Variants in MPPE1 observed in about 807,000 individuals in gnomAD.
MPPE1 encodes metallophosphoesterase 1, also known as metallo phosphoesterase.
MPPE1 carries 28 observed loss-of-function variants against 43.8 expected under a neutral mutation model. The ratio of observed to expected loss-of-function variants is 0.64; its 90% CI spans 0.47 to 0.88. MPPE1 has a LOEUF of 0.88. Ranked by LOEUF, MPPE1 falls within the 40% of genes least tolerant of loss-of-function variation. MPPE1 has a pLI of 0.00. For missense variants in MPPE1, 428 were observed against 492.2 expected (o/e 0.87, Z 1.23); for synonymous variants, 159 against 188.5 (o/e 0.84, Z 1.28).
At chr18:11,888,803 G>A in intron 5 of MPPE1, 60 bp from the exon 6 acceptor site, 1 of 943,160 alleles carries the variant, frequency 1.1e-6, no homozygotes, top group Admixed American at 3.1e-5. Context: ...AACTCCTAGA[G>A]TCATCATGAA....
At position 11,889,427 on chromosome 18, in the gene MPPE1, T is replaced by C; in HGVS notation, c.454A>G (p.Lys152Glu). 6.2e-7 allele frequency: 1 copy of C among 1,613,422 alleles called. No individual in the cohort carries two copies. Reference sequence around the variant, plus strand: ...ATGTCATGGTTTCCAGCAACTACCTTCAGCTGTACATGACTTGGGTGTCTG... The same window carrying C: ...ATGTCATGGTTTCCAGCAACTACCTCCAGCTGTACATGACTTGGGTGTCTG... ...MFRHPSHVQL[K>E]VVAGNHDIGF... The change falls in exon 5 of 11, where the codon AAG becomes GAG. Residue 152 changes from lysine (K) to glutamate (E), a missense_variant. This residue lies in a region of MPPE1 where 379 missense variants were observed against 402.5 expected (regional missense o/e 0.94). Coordinates refer to ENST00000588072, the MANE Select transcript of MPPE1 (RefSeq NM_023075.6).
At chr18:11,900,706 G>C (rs978667413) in intron 2 of MPPE1, among the ~76,000 whole-genome samples, 18 of 151,994 alleles carry the variant, frequency 1.2e-4, no homozygotes, top group African/African-American at 2.2e-4. Flanking sequence ...AGGAGATCGA[G>C]ACCATCCTGG....
chr18:11,900,789 C>T (rs189820411), intron 2 of MPPE1, among the ~76,000 whole-genome samples: 65 of 151,936 alleles, frequency 4.3e-4, no homozygotes, highest in Admixed American at 9.2e-4. Flanking sequence ...CGCCTGTAGT[C>T]CCAGCTACTC....
intron 2 of MPPE1, among the ~76,000 whole-genome samples, chr18:11,898,354 G>A (rs1038666506): frequency 1.3e-5 from 2 of 152,142 alleles, no homozygotes; most frequent in African/African-American, 2.4e-5. Flanking sequence ...TTACAGGCGT[G>A]AGCCACTTTG....
chr18:11,886,458 C>A lies in MPPE1; in HGVS notation c.867+41G>T. 2 of 1,613,828 alleles carry A rather than the reference C, an allele frequency of 1.2e-6. No homozygotes were observed. The highest frequency in any genetic ancestry group is 2.2e-5 in the South Asian group (2 of 91,058). ...TGTTGACATGCAAGGTGATGAGAGT[C>A]ACACTGTGACATGAATTAGCATCAC... On this transcript the variant is annotated intron_variant, in intron 9 of 10. Coordinates refer to ENST00000588072, the MANE Select transcript of MPPE1 (RefSeq NM_023075.6). The surrounding 1 kb of genome is among the most constrained non-coding windows in gnomAD (Gnocchi z 4.1).
At chr18:11,895,531 T>G (rs1304432667) in intron 3 of MPPE1, among the ~76,000 whole-genome samples, 1 of 141,942 alleles carries the variant, frequency 7.0e-6, no homozygotes, top group South Asian at 2.3e-4. Context: ...CCGTTTTTCT[T>G]ATTTTATTTT....
chr18:11,888,593 C>T, intron 6 of MPPE1, 76 bp downstream of exon 6: 1 of 839,910 alleles, frequency 1.2e-6, no homozygotes, highest in Non-Finnish European at 1.9e-6. Flanking sequence ...TGATAGATCC[C>T]AGTATGGCAG....
rs2037344809 is a variant in MPPE1 at position 11,886,838 on chromosome 18, G to A, written c.679-60C>T. ...CCTGACCCTCATCAAAGGGCAAGAA[G>A]CGCTAGGGGGCTGAGTGAGCAACCG... is the stretch of plus-strand genomic sequence containing the variant. On this transcript the variant is annotated intron_variant, in intron 7 of 10. Coordinates refer to ENST00000588072, the MANE Select transcript of MPPE1 (RefSeq NM_023075.6). The surrounding 1 kb of genome is among the most constrained non-coding windows in gnomAD (Gnocchi z 4.1). 1 of 1,598,190 alleles carries A rather than the reference G, an allele frequency of 6.3e-7. No homozygotes were observed. Among genetic ancestry groups the A allele is most frequent in the African/African-American group, 1.3e-5 (1 of 74,632 alleles).
chr18:11,885,448 G>C (rs907699152), intron 10 of MPPE1: 1 of 553,870 alleles, frequency 1.8e-6, no homozygotes, highest in African/African-American at 1.9e-5. Context: ...AGTCCACCTG[G>C]ACGGTGCCCT....
At chr18:11,903,804 T>TCAAAAAAA (rs2039436851) in intron 2 of MPPE1, among the ~76,000 whole-genome samples, 1 of 151,574 alleles carries the variant, frequency 6.6e-6, no homozygotes, top group Admixed American at 6.6e-5. Flanking sequence ...AGACTCCGTC[T>TCAAAAAAA]CAAAAAAACA....
chr18:11,892,505 A>G (rs572897641), intron 4 of MPPE1, among the ~76,000 whole-genome samples: 64 of 152,170 alleles, frequency 4.2e-4, no homozygotes, highest in African/African-American at 1.3e-3. Flanking sequence ...CCCTGTCCCT[A>G]CTAAAAATAC....
rs59202037 is a variant in MPPE1 at position 11,888,574 on chromosome 18, G to A, written c.569+95C>T. On this transcript the variant is annotated intron_variant, in intron 6 of 10. Transcript: ENST00000588072. ...GATCATAAACCAGGCTAAACAGAAC[G>A]CAGGTAGATGATAGATCCCAGTATG... 8.6e-3 allele frequency: 6,197 copies of A among 723,964 alleles called. 192 individuals carry two copies. The highest frequency in any genetic ancestry group is 0.079 in the African/African-American group (4,337 of 54,982). 44.8% of individuals were successfully genotyped at this position (723,964 alleles called of 1,614,324 possible).
chr18:11,885,882 C>T, intron 9 of MPPE1, 66 bp from the exon 10 acceptor site: 1 of 1,459,528 alleles, frequency 6.9e-7, no homozygotes. Flanking sequence ...TCTCACCGCT[C>T]AGCAGACGGC....
chr18:11,904,887 G>A (rs1189104317), intron 2 of MPPE1, among the ~76,000 whole-genome samples: 1 of 152,006 alleles, frequency 6.6e-6, no homozygotes, highest in East Asian at 1.9e-4. Flanking sequence ...AGGTTGCAGT[G>A]AGCCGAGATT....
At position 11,889,482 on chromosome 18, in the gene MPPE1, C is replaced by CGGAT; in HGVS notation, c.398_399insATCC (p.Asp134SerfsTer3). 6.2e-7 allele frequency: 1 copy of CGGAT among 1,612,104 alleles called. No homozygotes were observed. Among genetic ancestry groups the CGGAT allele is most frequent in the Non-Finnish European group, 8.5e-7 (1 of 1,178,954 alleles). Reference sequence around the variant, plus strand: ...TTTTCTGAAACCGCTCCACATCATCCGCCCAGGCCTGAGGGAAAAAGAATC... The same window carrying CGGAT: ...TTTTCTGAAACCGCTCCACATCATCCGGATGCCCAGGCCTGAGGGAAAAAGAATC... On this transcript the variant is annotated frameshift_variant, in exon 5 of 11. Transcript: ENST00000588072. LOFTEE classifies it high-confidence loss of function.
intron 2 of MPPE1, among the ~76,000 whole-genome samples, chr18:11,898,652 T>C (rs1339257852): frequency 6.6e-6 from 1 of 152,162 alleles, no homozygotes; most frequent in Non-Finnish European, 1.5e-5. Flanking sequence ...TTCGGGCAAC[T>C]GATTTACCCT....
chr18:11,884,446 C>CATCTT lies in MPPE1; in HGVS notation c.1185_1189dup (p.Ter397=). 6.2e-7 allele frequency: 1 copy of CATCTT among 1,613,230 alleles called. No individual in the cohort carries two copies. Among genetic ancestry groups the CATCTT allele is most frequent in the Non-Finnish European group, 8.5e-7 (1 of 1,179,402 alleles). On this transcript the variant is annotated frameshift_variant and stop_retained_variant, in exon 11 of 11. Coordinates refer to ENST00000588072, the MANE Select transcript of MPPE1 (RefSeq NM_023075.6). LOFTEE classifies it high-confidence loss of function. Reference sequence around the variant, plus strand: ...GATATTTATAATGGCGCCTGCTCTTCATCTTGTCTTACGCTTTCCGAGCAA... The same window carrying CATCTT: ...GATATTTATAATGGCGCCTGCTCTTCATCTTATCTTGTCTTACGCTTTCCGAGCAA...
At chr18:11,904,410 A>C (rs1453912246) in intron 2 of MPPE1, among the ~76,000 whole-genome samples, 1 of 151,502 alleles carries the variant, frequency 6.6e-6, no homozygotes, top group Non-Finnish European at 1.5e-5. Flanking sequence ...CGCCTCCTGG[A>C]CTCAAGCTAT....
intron 4 of MPPE1, among the ~76,000 whole-genome samples, chr18:11,890,194 G>C (rs201600281): frequency 1.4e-5 from 2 of 147,898 alleles, no homozygotes; most frequent in Admixed American, 6.7e-5. Flanking sequence ...CGCCCGCCTC[G>C]GCCTCCCAAA....
Sources: gnomAD v4.1 joint callset for allele counts (sites outside exome capture counted in the v4.1 genomes callset) on GRCh38, gnomAD v4.1.1 for gene constraint, gnomAD v4.1.1 regional missense constraint, Gnocchi (gnomAD v3.1) non-coding constraint, MANE v1.5 for transcripts, NCBI Gene and HGNC (gene_info 2026-07-23, HGNC 2026-07-21) for gene names.